The following TAF3 variants were observed in gnomAD, a reference collection of about 807,000 sequenced individuals.
The protein encoded by TAF3 is TATA-box binding protein associated factor 3, also known as transcription initiation factor TFIID subunit 3.
Under a neutral mutation model 80.6 loss-of-function variants are expected in TAF3, and 7 were observed. That is an observed-to-expected ratio of 0.09 (90% CI 0.05 to 0.16). The LOEUF (loss-of-function observed/expected upper bound fraction) is 0.16. Among genes scored for constraint, TAF3 ranks in the 10% least tolerant of loss-of-function variants. The pLI is 1.00. For synonymous variants in TAF3, 444 were observed against 446.1 expected, an observed-to-expected ratio of 1.00 and a Z score of 0.06; for missense variants, 921 against 1,140.2, an observed-to-expected ratio of 0.81 and a Z score of 2.77.
At chr10:7,899,932 G>A (rs1837542817) in intron 2 of TAF3, among the ~76,000 whole-genome samples, 1 of 152,154 alleles carries the variant, frequency 6.6e-6, no homozygotes, top group Non-Finnish European at 1.5e-5. Context: ...GATTTTTAAA[G>A]GCAAGTATCT....
At chr10:7,977,174 A>C in intron 3 of TAF3, 67 bp from the exon 4 acceptor site, 6 of 1,438,856 alleles carry the variant, frequency 4.2e-6, no homozygotes, top group South Asian at 1.2e-5. Flanking sequence ...GTGGGAGAGT[A>C]GGAGAAGTGG....
At chr10:7,926,792 A>G (rs1192341287) in intron 2 of TAF3, among the ~76,000 whole-genome samples, 1 of 152,220 alleles carries the variant, frequency 6.6e-6, no homozygotes, top group African/African-American at 2.4e-5. Flanking sequence ...TTTCAAGTTT[A>G]AGATTAGTAA....
chr10:7,826,359 A>G (rs1455203469), intron 2 of TAF3, among the ~76,000 whole-genome samples: 3 of 152,246 alleles, frequency 2.0e-5, no homozygotes, highest in Non-Finnish European at 4.4e-5. Context: ...TATGGTTATC[A>G]TATTTAAATA....
At chr10:7,884,640 G>A (rs1410560909) in intron 2 of TAF3, among the ~76,000 whole-genome samples, 3 of 151,996 alleles carry the variant, frequency 2.0e-5, no homozygotes, top group Non-Finnish European at 1.5e-5. Flanking sequence ...CACCTGCCTC[G>A]GCCTCCAAAA....
intron 2 of TAF3, among the ~76,000 whole-genome samples, chr10:7,875,977 TTTTA>T (rs1442486290): frequency 2.0e-5 from 3 of 151,758 alleles, no homozygotes; most frequent in African/African-American, 4.8e-5. Context: ...TAAACTTTTA[TTTTA>T]TTTATTTTTC....
At chr10:7,832,286 A>G (rs1057456667) in intron 2 of TAF3, among the ~76,000 whole-genome samples, 6 of 152,146 alleles carry the variant, frequency 3.9e-5, no homozygotes, top group Admixed American at 6.5e-5. Context: ...AAGTGAGAAC[A>G]TGTGGTATGT....
In TAF3 at chr10:7,975,137, T is replaced by G. The variant is rs551900872; in HGVS notation, c.2233-2104T>G. The stretch of plus-strand genomic sequence containing the variant: ...CGTGGAACAGAAAGACTGAAGATAC[T>G]GTAAATAAGCAGATGATAGAGAAAG... On this transcript the variant is annotated intron_variant, in intron 3 of 6. Coordinates refer to ENST00000344293, the MANE Select transcript of TAF3 (RefSeq NM_031923.4). 41 of 272,266 alleles carry G rather than the reference T, an allele frequency of 1.5e-4. No individual in the cohort carries two copies. In the East Asian group the frequency reaches 4.3e-3, roughly 29 times the overall value. The allele number at this position is 272,266 out of a possible 1,614,324, so 16.9% of individuals were successfully genotyped here.
chr10:7,937,979 C>T (rs951224197), intron 2 of TAF3, among the ~76,000 whole-genome samples: 12 of 152,030 alleles, frequency 7.9e-5, no homozygotes, highest in Non-Finnish European at 1.5e-4. Context: ...TATTGAGGGC[C>T]GCTTAGAGGG....
chr10:7,862,452 G>T (rs1837157620), intron 2 of TAF3, among the ~76,000 whole-genome samples: 1 of 152,062 alleles, frequency 6.6e-6, no homozygotes, highest in Admixed American at 6.6e-5. Flanking sequence ...AATCTCTTTA[G>T]GTTTTGATTT....
At chr10:7,864,207 C>T (rs1688974176) in intron 2 of TAF3, among the ~76,000 whole-genome samples, 1 of 152,132 alleles carries the variant, frequency 6.6e-6, no homozygotes, top group Non-Finnish European at 1.5e-5. Flanking sequence ...AGTTTCACTG[C>T]CTTAGAATTT....
chr10:7,962,890 T>A (rs1050412423), intron 2 of TAF3, among the ~76,000 whole-genome samples: 1 of 152,242 alleles, frequency 6.6e-6, no homozygotes, highest in Admixed American at 6.5e-5. Context: ...TCATTGTACA[T>A]TATATGCTTA....
chr10:7,998,265 GTATA>G (rs58358249), intron 4 of TAF3, among the ~76,000 whole-genome samples: 2,533 of 133,072 alleles, frequency 0.019, 79 homozygotes, highest in African/African-American at 0.067. Context: ...ATATATATAT[GTATA>G]TATATATATA....
At chr10:7,918,935 G>C (rs182813415) in intron 2 of TAF3, among the ~76,000 whole-genome samples, 3 of 152,134 alleles carry the variant, frequency 2.0e-5, no homozygotes, top group Admixed American at 6.5e-5. Context: ...CCTCACCTCC[G>C]GACAGCTTGC....
At chr10:7,877,598 A>T (rs1411180584) in intron 2 of TAF3, among the ~76,000 whole-genome samples, 2 of 152,232 alleles carry the variant, frequency 1.3e-5, no homozygotes, top group Non-Finnish European at 2.9e-5. Flanking sequence ...GCTTTGATAT[A>T]ATGAATAATA....
intron 2 of TAF3, among the ~76,000 whole-genome samples, chr10:7,853,218 C>T (rs1837046145): frequency 6.6e-6 from 1 of 152,138 alleles, no homozygotes. Flanking sequence ...CAAAGGTGCT[C>T]AAACTCCATC....
intron 2 of TAF3, among the ~76,000 whole-genome samples, chr10:7,935,760 GA>G (rs1314163297): frequency 6.6e-6 from 1 of 152,094 alleles, no homozygotes; most frequent in Non-Finnish European, 1.5e-5. Flanking sequence ...ATTCCAAAGA[GA>G]GGAAGCGCAG....
intron 4 of TAF3, among the ~76,000 whole-genome samples, chr10:7,987,493 A>G (rs936709951): frequency 1.3e-5 from 2 of 152,130 alleles, no homozygotes; most frequent in African/African-American, 4.8e-5. Context: ...TAAGTTGTCA[A>G]AGGTTTTGCT....
chr10:7,952,596 C>T lies in TAF3; in HGVS notation c.410-11324C>T, dbSNP rs1016130663. ...TTAGGCCATTTATAATACTAGGTGT[C>T]ATTTCAGGTTGGCTTGCTTATATAG... On this transcript the variant is annotated intron_variant, in intron 2 of 6. Coordinates refer to ENST00000344293, the MANE Select transcript of TAF3 (RefSeq NM_031923.4). Among the ~76,000 whole-genome samples the T allele has an allele frequency of 2.6e-5, 4 of 152,184 alleles. No individual in the cohort carries two copies. The South Asian group carries it at 8.3e-4, about 32-fold the overall frequency.
chr10:7,946,858 G>A (rs1042234194), intron 2 of TAF3, among the ~76,000 whole-genome samples: 8 of 152,096 alleles, frequency 5.3e-5, no homozygotes, highest in Non-Finnish European at 1.0e-4. Flanking sequence ...TATATTTGAT[G>A]CTTTTCTAAT....
Sources: allele counts gnomAD v4.1 joint callset (sites outside exome capture counted in the v4.1 genomes callset), GRCh38; gene constraint gnomAD v4.1.1; transcripts MANE v1.5; gene names NCBI Gene and HGNC (gene_info 2026-07-23, HGNC 2026-07-21).